Variants in ARG1 observed in about 807,000 individuals in gnomAD.
The protein encoded by ARG1 is arginase 1, also known as arginase-1.
Under a neutral mutation model 33.0 loss-of-function variants are expected in ARG1, and 20 were observed. The ratio of observed to expected loss-of-function variants is 0.61; its 90% confidence interval spans 0.43 to 0.88. The LOEUF (loss-of-function observed/expected upper bound fraction) is 0.88, where lower values mean the gene tolerates loss of function less well. ARG1 is among the 40% of genes least tolerant of loss of function. ARG1 has a pLI of 0.00. For synonymous variants in ARG1, 146 were observed against 140.6 expected (o/e 1.04, Z -0.27); for missense variants, 374 against 384.7 (o/e 0.97, Z 0.23).
At chr6:131,576,850 G>A (rs113784138) in intron 2 of ARG1, 115 bp downstream of exon 2, 2 of 916,348 alleles carry the variant, frequency 2.2e-6, no homozygotes, top group Non-Finnish European at 1.8e-6. Flanking sequence ...TTGCGGTACT[G>A]GTTACAACCC....
At chr6:131,574,563 T>G (rs187285609) in intron 1 of ARG1, among the ~76,000 whole-genome samples, 37 of 152,328 alleles carry the variant, frequency 2.4e-4, no homozygotes, top group Admixed American at 1.6e-3. Context: ...AACATGGTCA[T>G]GAGAATGGAG....
chr6:131,583,027 T>C, intron 5 of ARG1, 33 bp from the exon 6 acceptor site: 1 of 1,485,772 alleles, frequency 6.7e-7, no homozygotes, highest in Non-Finnish European at 9.3e-7. Flanking sequence ...GTCAGCCTTA[T>C]TAATTATAAT....
Position 131,584,216 on chromosome 6 carries a change from A to T in ARG1, c.*308A>T. On this transcript the variant is annotated 3_prime_UTR_variant, in exon 8 of 8. Transcript: ENST00000368087. ...TAAGCACACTTACATAAGCCCCCAT[A>T]CATAGAGTGGGACTCTTGGAATCAG... 1 of 336,460 alleles carries T rather than the reference A, an allele frequency of 3.0e-6. No individual in the cohort carries two copies. Among genetic ancestry groups the T allele is most frequent in the South Asian group, 3.1e-5 (1 of 32,510 alleles). 20.8% of individuals were successfully genotyped at this position (336,460 alleles called of 1,614,324 possible). A position where few individuals can be genotyped will look rare whatever the true frequency, so the allele number is the denominator to read the frequency against.
chr6:131,576,064 T>C (rs1368374749), intron 1 of ARG1, among the ~76,000 whole-genome samples: 1 of 152,234 alleles, frequency 6.6e-6, no homozygotes, highest in East Asian at 1.9e-4. Flanking sequence ...CACTCTGTCT[T>C]GTTTTCCTAA....
intron 4 of ARG1, 93 bp from the exon 5 acceptor site, chr6:131,582,528 A>G (rs562828400): frequency 3.3e-6 from 3 of 913,358 alleles, no homozygotes; most frequent in Admixed American, 3.6e-5. Flanking sequence ...TCTAAATATA[A>G]GATATACGCA....
chr6:131,578,454 C>T (rs1210886821), intron 2 of ARG1, among the ~76,000 whole-genome samples: 2 of 152,178 alleles, frequency 1.3e-5, no homozygotes, highest in Non-Finnish European at 2.9e-5. Flanking sequence ...GGAGCACACC[C>T]AGTCCTTAGG....
At chr6:131,580,199 G>C (rs991945056) in intron 3 of ARG1, among the ~76,000 whole-genome samples, 2 of 152,108 alleles carry the variant, frequency 1.3e-5, no homozygotes, top group Admixed American at 6.5e-5. Flanking sequence ...AATGACTTCA[G>C]GTCTCCTTGG....
intron 2 of ARG1, 46 bp from the exon 3 acceptor site, chr6:131,579,065 T>C (rs1402282509): frequency 6.2e-7 from 1 of 1,600,678 alleles, no homozygotes. Context: ...CAGACTGATT[T>C]ATAATCTACT....
Position 131,582,702 on chromosome 6 carries a change from G to A in ARG1, c.547G>A (p.Asp183Asn), listed in dbSNP as rs1033631011. The part of the protein sequence containing the change: ...DIVYIGLRDV[D>N]PGEHYILKTL... The stretch of plus-strand genomic sequence containing the variant: ...TGTGTATATTGGCTTGAGAGACGTG[G>A]ACCCTGGGGAACAGTAAGCTTATTC... Residue 183 changes from aspartate (D) to asparagine (N), a missense_variant, in exon 5 of 8, where the codon GAC becomes AAC. Coordinates refer to ENST00000368087, the MANE Select transcript of ARG1 (RefSeq NM_000045.4). The A allele has an allele frequency of 8.1e-6, 13 of 1,613,584 alleles. No homozygotes were observed. In the Admixed American group the frequency reaches 2.0e-4, roughly 25 times the overall value.
chr6:131,578,186 T>A (rs201882181), intron 2 of ARG1, among the ~76,000 whole-genome samples: 9 of 140,088 alleles, frequency 6.4e-5, no homozygotes, highest in Middle Eastern at 3.6e-3. Context: ...CGTAAATCTT[T>A]AAAAAAAAAA....
intron 5 of ARG1, 75 bp downstream of exon 5, chr6:131,582,790 C>G: frequency 1.6e-6 from 2 of 1,249,182 alleles, no homozygotes; most frequent in Non-Finnish European, 2.4e-6. Flanking sequence ...CTGACCAACT[C>G]TATGAGAGAA....
chr6:131,576,550 A>G, intron 1 of ARG1, 113 bp from the exon 2 acceptor site: 2 of 1,004,176 alleles, frequency 2.0e-6, no homozygotes, highest in Non-Finnish European at 3.1e-6. Flanking sequence ...GCTCTGTAGG[A>G]GCTCAAAAAA....
rs747845803 is a variant in ARG1, at chr6:131,581,078, T to G, written c.306-141T>G. ...TGCTTTCTCTATTGTTTTAACTAAT[T>G]GGCATCTCCAATTCAGAACCTATCA... On this transcript the variant is annotated intron_variant, in intron 3 of 7. Coordinates refer to ENST00000368087, the MANE Select transcript of ARG1 (RefSeq NM_000045.4). The G allele has an allele frequency of 5.2e-6, 4 of 776,118 alleles. No individual in the cohort carries two copies. The Admixed American group carries it at 6.0e-5, about 12-fold the overall frequency. The allele number at this position is 776,118 out of a possible 1,614,324, so 48.1% of individuals were successfully genotyped here.
At chr6:131,577,987 A>G (rs1387911025) in intron 2 of ARG1, among the ~76,000 whole-genome samples, 1 of 152,066 alleles carries the variant, frequency 6.6e-6, no homozygotes, top group Non-Finnish European at 1.5e-5. Flanking sequence ...TGATAAGACA[A>G]GAAAGACTAC....
intron 1 of ARG1, among the ~76,000 whole-genome samples, chr6:131,576,171 T>C (rs1318347004): frequency 1.3e-5 from 2 of 152,214 alleles, no homozygotes; most frequent in Non-Finnish European, 2.9e-5. Context: ...GGGCATCCTG[T>C]TTTTGTTACT....
Position 131,582,679 on chromosome 6 carries a change from T to C in ARG1, c.524T>C (p.Val175Ala), listed in dbSNP as rs770776974. 3.1e-6 allele frequency: 5 copies of C among 1,613,890 alleles called. No individual in the cohort carries two copies. The highest frequency in any genetic ancestry group is 2.7e-5 in the African/African-American group (2 of 75,024). ...CCCTGTATATCTGCCAAGGATATTG[T>C]GTATATTGGCTTGAGAGACGTGGAC... ...VTPCISAKDI[V>A]YIGLRDVDPG... The change falls in exon 5 of 8, where the codon GTG becomes GCG. Residue 175 changes from valine (V) to alanine (A), a missense_variant. Transcript: ENST00000368087.
At chr6:131,580,592 A>G (rs558197443) in intron 3 of ARG1, among the ~76,000 whole-genome samples, 9 of 152,330 alleles carry the variant, frequency 5.9e-5, no homozygotes, top group Non-Finnish European at 1.3e-4. Context: ...TATGTCTTCC[A>G]TTCCAGCAAA....
In ARG1 at chr6:131,579,299, A is replaced by G. The variant is rs1395914270; in HGVS notation, c.305+14A>G. 6.2e-7 allele frequency: 1 copy of G among 1,613,734 alleles called. No individual in the cohort carries two copies. On this transcript the variant is annotated intron_variant, in intron 3 of 7. Transcript: ENST00000368087. ...CGGAGACCACAGGTCTTGTTGAATAACTGTGTCTATGGGAATCTGGCACAA... is the reference window on the plus strand; with the variant it reads ...CGGAGACCACAGGTCTTGTTGAATAGCTGTGTCTATGGGAATCTGGCACAA...
At chr6:131,576,849 T>C (rs952729123) in intron 2 of ARG1, 114 bp downstream of exon 2, 2 of 933,390 alleles carry the variant, frequency 2.1e-6, no homozygotes. Context: ...ATTGCGGTAC[T>C]GGTTACAACC....
Sources: allele counts gnomAD v4.1 joint callset (sites outside exome capture counted in the v4.1 genomes callset), GRCh38; gene constraint gnomAD v4.1.1; transcripts MANE v1.5; gene names NCBI Gene and HGNC (gene_info 2026-07-23, HGNC 2026-07-21).